Variants in PIGL observed in about 807,000 individuals in gnomAD.
PIGL encodes N-acetylglucosaminyl-phosphatidylinositol de-N-acetylase.
A neutral mutation model predicts 31.1 loss-of-function variants in PIGL; 22 were observed. The observed-to-expected ratio is 0.71, with a 90% CI of 0.51 to 1.01. The LOEUF is 1.01. Ranked by LOEUF, PIGL falls within the 50% of genes least tolerant of loss-of-function variation. The probability of loss-of-function intolerance (pLI) is 0.00; values close to 1 mark genes in which losing one functional copy is unlikely to be tolerated. For synonymous variants in PIGL, 131 were observed against 117.4 expected (o/e 1.12, Z -0.75); for missense variants, 302 against 315.9 (o/e 0.96, Z 0.33).
chr17:16,257,839 C>A (rs555354582), intron 2 of PIGL, among the ~76,000 whole-genome samples: 1 of 151,766 alleles, frequency 6.6e-6, no homozygotes, highest in Non-Finnish European at 1.5e-5. Context: ...CCAAGGCGGG[C>A]GGATCACTTG....
At chr17:16,322,441 A>C (rs771981678) in intron 6 of PIGL, among the ~76,000 whole-genome samples, 1 of 151,678 alleles carries the variant, frequency 6.6e-6, no homozygotes, top group Non-Finnish European at 1.5e-5. Flanking sequence ...CTTTGTTTTC[A>C]TTTTCAATCT....
chr17:16,258,134 AG>A (rs2092804173), intron 2 of PIGL, among the ~76,000 whole-genome samples: 1 of 118,026 alleles, frequency 8.5e-6, no homozygotes, highest in Non-Finnish European at 1.9e-5. Context: ...AAAGAGAGAG[AG>A]AGAAAGAGAG....
At chr17:16,244,278 T>C (rs2092735193) in intron 2 of PIGL, among the ~76,000 whole-genome samples, 1 of 152,238 alleles carries the variant, frequency 6.6e-6, no homozygotes, top group African/African-American at 2.4e-5. Context: ...TTACCGTCTT[T>C]GTTTAAACTA....
At chr17:16,277,476 A>G (rs2092900601) in intron 2 of PIGL, among the ~76,000 whole-genome samples, 1 of 152,168 alleles carries the variant, frequency 6.6e-6, no homozygotes, top group Admixed American at 6.5e-5. Flanking sequence ...CTTGGCTCTG[A>G]AAAACAAAAG....
At position 16,217,280 on chromosome 17, in the gene PIGL, C is replaced by A; in HGVS notation, c.54C>A (p.Phe18Leu). The A allele has an allele frequency of 1.2e-6, 2 of 1,614,158 alleles. No individual in the cohort carries two copies. Among genetic ancestry groups the A allele is most frequent in the Non-Finnish European group, 1.7e-6 (2 of 1,180,026 alleles). ...CVALAVLAWG[F>L]LWVWDSSERM... The stretch of plus-strand genomic sequence containing the variant: ...CGTTGGCGGTCTTGGCATGGGGCTT[C>A]CTCTGGGTTTGGGACTCCTCAGAAC... The change falls in exon 1 of 7, where the codon TTC becomes TTA. Residue 18 changes from phenylalanine (F) to leucine (L), a missense_variant. By Grantham distance (22) the Phe-to-Leu change is conservative. Transcript: ENST00000225609.
chr17:16,260,566 T>C (rs556806175), intron 2 of PIGL, among the ~76,000 whole-genome samples: 2 of 152,134 alleles, frequency 1.3e-5, no homozygotes, highest in East Asian at 3.9e-4. Flanking sequence ...AGGTCTCCTG[T>C]CTGCTGAGGG....
chr17:16,282,491 C>A (rs1488603934), intron 2 of PIGL, among the ~76,000 whole-genome samples: 1 of 152,078 alleles, frequency 6.6e-6, no homozygotes, highest in Non-Finnish European at 1.5e-5. Flanking sequence ...ACCCAAACAC[C>A]TTGACAAAGG....
intron 2 of PIGL, among the ~76,000 whole-genome samples, chr17:16,258,069 A>AAGAGAG (rs749459552): frequency 0.018 from 1,634 of 90,460 alleles, 66 homozygotes; most frequent in African/African-American, 0.064. Context: ...GTCAGAAAGA[A>AAGAGAG]AGAGAGAGAG....
At chr17:16,238,866 G>A (rs1176497657) in intron 2 of PIGL, among the ~76,000 whole-genome samples, 1 of 141,654 alleles carries the variant, frequency 7.1e-6, no homozygotes, top group South Asian at 2.3e-4. Flanking sequence ...CTGAGATCAC[G>A]CCGCTGCACT....
At chr17:16,292,182 G>A (rs112585485) in intron 2 of PIGL, among the ~76,000 whole-genome samples, 6,413 of 151,046 alleles carry the variant, frequency 0.042, 451 homozygotes, top group African/African-American at 0.15. Flanking sequence ...TTACAGGCAC[G>A]CACCACCACA....
At chr17:16,254,091 T>A (rs891448347) in intron 2 of PIGL, among the ~76,000 whole-genome samples, 5 of 152,122 alleles carry the variant, frequency 3.3e-5, no homozygotes, top group Admixed American at 3.3e-4. Context: ...TCTAACACAC[T>A]TCCACATTTT....
At chr17:16,302,320 G>T (rs555190739) in intron 3 of PIGL, among the ~76,000 whole-genome samples, 2 of 152,102 alleles carry the variant, frequency 1.3e-5, no homozygotes, top group Non-Finnish European at 2.9e-5. Context: ...ATGGGCTTAG[G>T]AATAATGCCT....
At chr17:16,277,248 GA>G (rs1215839231) in intron 2 of PIGL, among the ~76,000 whole-genome samples, 1 of 151,608 alleles carries the variant, frequency 6.6e-6, no homozygotes, top group African/African-American at 2.4e-5. Flanking sequence ...AAGCCTTGGT[GA>G]AAAAAAAGTT....
chr17:16,293,813 A>G (rs2092970555), intron 2 of PIGL, among the ~76,000 whole-genome samples: 1 of 152,278 alleles, frequency 6.6e-6, no homozygotes, highest in African/African-American at 2.4e-5. Context: ...TTAGCTAAAG[A>G]GACACACAAA....
chr17:16,298,995 C>G (rs991347541), intron 2 of PIGL, among the ~76,000 whole-genome samples: 1 of 151,984 alleles, frequency 6.6e-6, no homozygotes, highest in African/African-American at 2.4e-5. Context: ...CCATTACATT[C>G]CAGCCTGGGT....
chr17:16,287,976 A>C (rs1248272502), intron 2 of PIGL, among the ~76,000 whole-genome samples: 1 of 152,204 alleles, frequency 6.6e-6, no homozygotes, highest in Non-Finnish European at 1.5e-5. Context: ...AAGGGCACAG[A>C]TATTCACATA....
At chr17:16,303,810 G>A (rs567265866) in intron 3 of PIGL, among the ~76,000 whole-genome samples, 2 of 152,176 alleles carry the variant, frequency 1.3e-5, no homozygotes, top group East Asian at 3.9e-4. Context: ...TGCCTCCCGG[G>A]TTCACGCCAT....
intron 2 of PIGL, among the ~76,000 whole-genome samples, chr17:16,281,333 T>A (rs2142792389): frequency 1.3e-5 from 2 of 152,308 alleles, no homozygotes; most frequent in South Asian, 4.1e-4. Flanking sequence ...TTCTCCCTTT[T>A]CTAAGAAAAG....
chr17:16,302,663 G>A (rs913520799), intron 3 of PIGL, among the ~76,000 whole-genome samples: 1 of 151,970 alleles, frequency 6.6e-6, no homozygotes, highest in Non-Finnish European at 1.5e-5. Context: ...GCAGTGGCGC[G>A]ATCTCAGCTC....
Sources: allele counts gnomAD v4.1 joint callset (sites outside exome capture counted in the v4.1 genomes callset), GRCh38; gene constraint gnomAD v4.1.1; transcripts MANE v1.5; gene names NCBI Gene and HGNC (gene_info 2026-07-23, HGNC 2026-07-21).